Variants in COL19A1 observed in about 807,000 individuals in gnomAD.
COL19A1 encodes the protein collagen type XIX alpha 1 chain, also known as collagen alpha-1(XIX) chain.
Under a neutral mutation model 190.2 loss-of-function variants are expected in COL19A1, and 159 were observed. The observed-to-expected ratio is 0.84, with a 90% CI of 0.73 to 0.95. The LOEUF is 0.95. Ranked by LOEUF, COL19A1 falls within the 40% of genes least tolerant of loss-of-function variation. The pLI is 0.00. For synonymous variants in COL19A1, 509 were observed against 458.9 expected, an observed-to-expected ratio of 1.11 and a Z score of -1.39; for missense variants, 1,418 against 1,431.9, an observed-to-expected ratio of 0.99 and a Z score of 0.16.
At chr6:70,024,100 A>G (rs946068130) in intron 12 of COL19A1, among the ~76,000 whole-genome samples, 1 of 152,088 alleles carries the variant, frequency 6.6e-6, no homozygotes, top group African/African-American at 2.4e-5. Flanking sequence ...AAGTGAAGGG[A>G]AACTAACTCC....
At chr6:69,882,548 T>C (rs968987568) in intron 2 of COL19A1, among the ~76,000 whole-genome samples, 1 of 152,162 alleles carries the variant, frequency 6.6e-6, no homozygotes, top group Non-Finnish European at 1.5e-5. Flanking sequence ...TTTAATCTGT[T>C]CTAAGGCAAA....
At chr6:69,986,211 C>G (rs1332918450) in intron 11 of COL19A1, among the ~76,000 whole-genome samples, 1 of 134,288 alleles carries the variant, frequency 7.4e-6, no homozygotes, top group Admixed American at 8.3e-5. Context: ...TGTTAAATGA[C>G]TTACACGTTT....
chr6:70,068,374 C>T (rs1441070589), intron 14 of COL19A1, 49 bp from the exon 15 acceptor site: 1 of 1,085,656 alleles, frequency 9.2e-7, no homozygotes, highest in Non-Finnish European at 1.4e-6. Context: ...CTTTGTGAGG[C>T]AGGTGTACTT....
intron 11 of COL19A1, among the ~76,000 whole-genome samples, chr6:69,987,485 G>A (rs1288275218): frequency 6.6e-6 from 1 of 152,128 alleles, no homozygotes; most frequent in East Asian, 1.9e-4. Flanking sequence ...AAATAAATTT[G>A]AAACAAATCT....
At chr6:69,900,135 C>T (rs563418870) in intron 3 of COL19A1, 104 bp from the exon 4 acceptor site, 6 of 588,664 alleles carry the variant, frequency 1.0e-5, no homozygotes, top group South Asian at 1.0e-4. Context: ...AGCAAGATTT[C>T]GTTTGAAGTG....
intron 11 of COL19A1, among the ~76,000 whole-genome samples, chr6:70,003,940 T>C (rs1232301782): frequency 6.6e-6 from 1 of 152,202 alleles, no homozygotes; most frequent in African/African-American, 2.4e-5. Flanking sequence ...ATTTTGCACA[T>C]TAGTTGATGC....
chr6:70,144,720 A>G (rs1388339223), intron 24 of COL19A1, among the ~76,000 whole-genome samples, 198 bp from the exon 25 acceptor site: 2 of 152,194 alleles, frequency 1.3e-5, no homozygotes, highest in African/African-American at 4.8e-5. Flanking sequence ...TAACTGCAAA[A>G]TCTAAATGCA....
chr6:69,953,733 C>T (rs554492706), intron 9 of COL19A1, among the ~76,000 whole-genome samples: 10 of 152,124 alleles, frequency 6.6e-5, no homozygotes, highest in African/African-American at 1.9e-4. Flanking sequence ...AGGCACTTGA[C>T]TTTTATTTGC....
chr6:69,983,266 T>G (rs1433012682), intron 11 of COL19A1, among the ~76,000 whole-genome samples: 1 of 152,040 alleles, frequency 6.6e-6, no homozygotes, highest in African/African-American at 2.4e-5. Flanking sequence ...GTATTTGACG[T>G]TTTTGATGCT....
At chr6:70,061,157 A>G (rs1031926179) in intron 14 of COL19A1, among the ~76,000 whole-genome samples, 1 of 152,112 alleles carries the variant, frequency 6.6e-6, no homozygotes, top group Admixed American at 6.6e-5. Flanking sequence ...CAGAATTTTA[A>G]TTTGTTAGTT....
At chr6:69,993,372 A>G (rs1332103543) in intron 11 of COL19A1, among the ~76,000 whole-genome samples, 1 of 152,016 alleles carries the variant, frequency 6.6e-6, no homozygotes, top group Non-Finnish European at 1.5e-5. Flanking sequence ...TATTTTGTTG[A>G]GAATTTTTGT....
intron 15 of COL19A1, among the ~76,000 whole-genome samples, chr6:70,098,157 A>C (rs1199153151): frequency 1.3e-5 from 2 of 152,188 alleles, no homozygotes; most frequent in Non-Finnish European, 2.9e-5. Context: ...GAGCCCTGCA[A>C]AGAAAATAAC....
At chr6:69,959,914 A>G in intron 9 of COL19A1, 82 bp from the exon 10 acceptor site, 5 of 1,239,728 alleles carry the variant, frequency 4.0e-6, no homozygotes, top group Non-Finnish European at 4.6e-6. Flanking sequence ...ACAACACTAG[A>G]GCTATTTGTT....
At chr6:70,169,297 C>T (rs1273679263) in intron 40 of COL19A1, among the ~76,000 whole-genome samples, 1 of 152,106 alleles carries the variant, frequency 6.6e-6, no homozygotes, top group Non-Finnish European at 1.5e-5. Flanking sequence ...ATTAGATGCC[C>T]TTTATTGCTG....
At chr6:70,049,752 A>G (rs780030008) in intron 14 of COL19A1, among the ~76,000 whole-genome samples, 7 of 152,070 alleles carry the variant, frequency 4.6e-5, no homozygotes, top group Admixed American at 2.0e-4. Context: ...ATCTAGAAAA[A>G]TAAATTAAAA....
At chr6:69,869,867 G>T (rs1241978894) in intron 1 of COL19A1, among the ~76,000 whole-genome samples, 1 of 152,190 alleles carries the variant, frequency 6.6e-6, no homozygotes, top group Non-Finnish European at 1.5e-5. Flanking sequence ...ACACTAGTTT[G>T]GAAGTAACAG....
At chr6:70,105,005 A>G (rs774975192) in intron 16 of COL19A1, among the ~76,000 whole-genome samples, 1 of 152,150 alleles carries the variant, frequency 6.6e-6, no homozygotes, top group Non-Finnish European at 1.5e-5. Context: ...TTGTTGCCAG[A>G]GTGTTTGGGG....
rs1268903621 is a variant in COL19A1, at chr6:69,921,122, A to T, written c.267-6787A>T. ...TCATATATTCATATACATATATATC[A>T]CATATGTATCACATATATATCACAT... On this transcript the variant is annotated intron_variant, in intron 4 of 50. Transcript: ENST00000620364. Among the ~76,000 whole-genome samples the T allele has an allele frequency of 3.3e-3, 398 of 119,664 alleles. 3 individuals are homozygous for T. Among genetic ancestry groups the T allele is most frequent in the African/African-American group, 0.01 (329 of 31,334 alleles). The allele number at this position is 119,664 out of a possible 152,430, so 78.5% of individuals were successfully genotyped here. A position where few individuals can be genotyped will look rare whatever the true frequency, so the allele number is the denominator to read the frequency against.
chr6:69,998,123 G>T (rs906487137), intron 11 of COL19A1, among the ~76,000 whole-genome samples: 5 of 152,058 alleles, frequency 3.3e-5, no homozygotes, highest in Non-Finnish European at 7.4e-5. Flanking sequence ...TGTCTTCAAT[G>T]AAACTATCAA....
Sources: allele counts gnomAD v4.1 joint callset (sites outside exome capture counted in the v4.1 genomes callset), GRCh38; gene constraint gnomAD v4.1.1; transcripts MANE v1.5; gene names NCBI Gene and HGNC (gene_info 2026-07-23, HGNC 2026-07-21).